FBH1: variants seen among roughly 807,000 people sequenced by gnomAD.
FBH1 encodes DNA 3'-5' helicase 1.
A neutral mutation model predicts 115.5 loss-of-function variants in FBH1; 43 were observed. That is an observed-to-expected ratio of 0.37 (90% CI 0.29 to 0.48). FBH1 has a LOEUF of 0.48. FBH1 is among the 20% of genes least tolerant of loss of function. FBH1 has a pLI of 0.99. For synonymous variants in FBH1, 524 were observed against 507.8 expected (o/e 1.03, Z -0.43); for missense variants, 1,001 against 1,337.3 (o/e 0.75, Z 3.92).
intron 1 of FBH1, chr10:5,891,107 A>G (rs1842693839): frequency 1.0e-6 from 1 of 981,814 alleles, no homozygotes; most frequent in South Asian, 4.7e-5. Flanking sequence ...ACTTTCTTAC[A>G]GAATTACAGG....
Position 5,918,955 on chromosome 10 carries a change from T to C in FBH1, c.2100+477T>C, listed in dbSNP as rs565300105. Among the ~76,000 whole-genome samples, 16 of 152,376 alleles carry C rather than the reference T, an allele frequency of 1.1e-4. No homozygotes were observed. The highest frequency in any genetic ancestry group is 2.6e-4 in the Admixed American group (4 of 15,306). On this transcript the variant is annotated intron_variant, in intron 13 of 20. Transcript: ENST00000362091. This position sits in a 1 kb window ranked among gnomAD's most constrained non-coding sequence, Gnocchi z 4.0. Reference sequence around the variant, plus strand: ...CCTTGATTATGCGAAAAGTTTATTATGCGCTCCTTCCTTTCCAATCACATG... The same window carrying C: ...CCTTGATTATGCGAAAAGTTTATTACGCGCTCCTTCCTTTCCAATCACATG...
chr10:5,934,451 C>A (rs933247908), intron 19 of FBH1: 2 of 147,484 alleles, frequency 1.4e-5, no homozygotes, highest in Non-Finnish European at 3.0e-5. Context: ...TTGCTCGGCT[C>A]ACCGCAACCT....
chr10:5,937,136 C>T lies in FBH1; in HGVS notation c.2988C>T (p.Gly996=). ...TYSNRKENKG[G]YLCHSCAEQR... is the part of the protein sequence containing the mutation. ...GCAACAGGAAGGAAAACAAGGGGGG[C>T]TACCTCTGCCACTCCTGTGCGGAGC... The change falls in exon 21 of 21, where the codon GGC becomes GGT. Residue 996 remains glycine, a synonymous_variant. Transcript: ENST00000362091. The T allele has an allele frequency of 6.2e-7, 1 of 1,610,032 alleles. No homozygotes were observed. The highest frequency in any genetic ancestry group is 8.5e-7 in the Non-Finnish European group (1 of 1,177,808).
chr10:5,899,240 G>C (rs1199033999), intron 1 of FBH1, among the ~76,000 whole-genome samples: 1 of 152,154 alleles, frequency 6.6e-6, no homozygotes, highest in Non-Finnish European at 1.5e-5. Context: ...GCCTGCAGCT[G>C]GCCTGAGGTC....
rs1183195428 is a variant in FBH1 at position 5,932,471 on chromosome 10, T to A, written c.2830-3985T>A. The stretch of plus-strand genomic sequence containing the variant: ...TCCTACCCAAATTAGGAAATCCCTC[T>A]TTATCAGCTCACAGAGCTCTCTCGC... On this transcript the variant is annotated intron_variant, in intron 19 of 20. Coordinates refer to ENST00000362091, the MANE Select transcript of FBH1 (RefSeq NM_178150.3). The surrounding 1 kb of genome is among the most constrained non-coding windows in gnomAD (Gnocchi z 5.9). 6.6e-6 allele frequency among the ~76,000 whole-genome samples: 1 copy of A among 152,154 alleles called. No individual in the cohort carries two copies. The highest frequency in any genetic ancestry group is 2.4e-5 in the African/African-American group (1 of 41,408).
chr10:5,900,210 G>A lies in FBH1; in HGVS notation c.2-2810G>A, dbSNP rs1231760694. 6.6e-6 allele frequency among the ~76,000 whole-genome samples: 1 copy of A among 152,242 alleles called. No individual in the cohort carries two copies. The highest frequency in any genetic ancestry group is 2.4e-5 in the African/African-American group (1 of 41,468). On this transcript the variant is annotated intron_variant, in intron 1 of 20. Coordinates refer to ENST00000362091, the MANE Select transcript of FBH1 (RefSeq NM_178150.3). The surrounding 1 kb of genome is among the most constrained non-coding windows in gnomAD (Gnocchi z 4.2). ...TGTCTTAGGCAGGCTACTCACATAA[G>A]CCTTGTTAAATAGAGGAAACAGGTA...
chr10:5,900,519 C>A lies in FBH1; in HGVS notation c.2-2501C>A, dbSNP rs11255794. Reference sequence around the variant, plus strand: ...CGCATCTGTGATTGCTGAGGCCTGGCGCTCATGGGGTTGCACCCAGCTTCT... The same window carrying A: ...CGCATCTGTGATTGCTGAGGCCTGGAGCTCATGGGGTTGCACCCAGCTTCT... On this transcript the variant is annotated intron_variant, in intron 1 of 20. Coordinates refer to ENST00000362091, the MANE Select transcript of FBH1 (RefSeq NM_178150.3). The surrounding 1 kb of genome is among the most constrained non-coding windows in gnomAD (Gnocchi z 4.2). 6.6e-6 allele frequency among the ~76,000 whole-genome samples: 1 copy of A among 152,210 alleles called. No individual in the cohort carries two copies. Among genetic ancestry groups the A allele is most frequent in the Non-Finnish European group, 1.5e-5 (1 of 68,042 alleles).
At chr10:5,898,876 C>T (rs747287661) in intron 1 of FBH1, among the ~76,000 whole-genome samples, 14 of 152,208 alleles carry the variant, frequency 9.2e-5, no homozygotes, top group Non-Finnish European at 1.8e-4. Context: ...TACCTTGGGG[C>T]ATGCTTACTG....
At position 5,909,186 on chromosome 10, in the gene FBH1, G is replaced by A. The variant is rs771144623; in HGVS notation, c.912G>A (p.Pro304=). ...ACACAGCCACCACTAAGTGCTCTCCGAGTGTGGATCCCGAGAGGGTGCTGT... is the reference window on the plus strand; with the variant it reads ...ACACAGCCACCACTAAGTGCTCTCCAAGTGTGGATCCCGAGAGGGTGCTGT... ...IRYTATTKCS[P]SVDPERVLWS... The change falls in exon 5 of 21, where the codon CCG becomes CCA. Residue 304 remains proline, a synonymous_variant. Transcript: ENST00000362091. The surrounding 1 kb of genome is among the most constrained non-coding windows in gnomAD (Gnocchi z 4.4). The A allele has an allele frequency of 2.5e-6, 4 of 1,613,748 alleles. No homozygotes were observed. Among genetic ancestry groups the A allele is most frequent in the South Asian group, 2.2e-5 (2 of 91,070 alleles).
intron 13 of FBH1, among the ~76,000 whole-genome samples, chr10:5,920,082 G>A (rs997971155): frequency 5.9e-5 from 9 of 152,202 alleles, no homozygotes; most frequent in Admixed American, 2.0e-4. Context: ...ATGTAACCAT[G>A]TGTCATGAGG....
rs1403092952 is a variant in FBH1, at chr10:5,936,543, C to G, written c.2917C>G (p.Pro973Ala). The G allele has an allele frequency of 6.2e-7, 1 of 1,614,036 alleles. No homozygotes were observed. The change falls in exon 20 of 21, where the codon CCT becomes GCT. Residue 973 changes from proline (P) to alanine (A), a missense_variant. Coordinates refer to ENST00000362091, the MANE Select transcript of FBH1 (RefSeq NM_178150.3). This position sits in a 1 kb window ranked among gnomAD's most constrained non-coding sequence, Gnocchi z 5.6. ...CGTGGGACAGTGCAACAATGCCATC[C>G]CTGTTGACACCGTCCTTACCATGAA... ...CCVGQCNNAI[P>A]VDTVLTMKKL... is the part of the protein sequence containing the mutation.
Position 5,906,659 on chromosome 10 carries a change from G to A in FBH1, c.753+27G>A, listed in dbSNP as rs1843712507. ...TGAGTGAGTGCTGGAGTCGGGAGAT[G>A]TTTCCTCTAAAAGCACGTAACTTTG... On this transcript the variant is annotated intron_variant, in intron 3 of 20. Transcript: ENST00000362091. This position sits in a 1 kb window ranked among gnomAD's most constrained non-coding sequence, Gnocchi z 7.3. 6.4e-7 allele frequency: 1 copy of A among 1,555,304 alleles called. No homozygotes were observed. The highest frequency in any genetic ancestry group is 1.8e-5 in the Admixed American group (1 of 57,038).
rs779337447 is a variant in FBH1 at position 5,917,572 on chromosome 10, C to T, written c.1877-18C>T. The stretch of plus-strand genomic sequence containing the variant: ...TGCCTTCCTGGCGTTACAACTCCTG[C>T]GTCTCTCCTTATTTTAGGCTACTTG... On this transcript the variant is annotated intron_variant, in intron 11 of 20. Transcript: ENST00000362091. This position sits in a 1 kb window ranked among gnomAD's most constrained non-coding sequence, Gnocchi z 5.6. 1.3e-5 allele frequency: 21 copies of T among 1,613,652 alleles called. No individual in the cohort carries two copies. The highest frequency in any genetic ancestry group is 3.3e-5 in the South Asian group (3 of 91,052).
At position 5,915,554 on chromosome 10, in the gene FBH1, C is replaced by T. The variant is rs763906919; in HGVS notation, c.1548C>T (p.Tyr516=). 32 of 1,614,070 alleles carry T rather than the reference C, an allele frequency of 2.0e-5. No homozygotes were observed. Among genetic ancestry groups the T allele is most frequent in the South Asian group, 9.9e-5 (9 of 91,084 alleles). ...VICKTFHSMA[Y]GHIGRKYQSK... ...GCAAAACCTTCCACTCCATGGCCTA[C>T]GGGCACATAGGGCGGAAGTGAGTAC... The change falls in exon 9 of 21, where the codon TAC becomes TAT. Residue 516 remains tyrosine (Y), a synonymous_variant. Coordinates refer to ENST00000362091, the MANE Select transcript of FBH1 (RefSeq NM_178150.3). The surrounding 1 kb of genome is among the most constrained non-coding windows in gnomAD (Gnocchi z 5.2).
Position 5,925,592 on chromosome 10 carries a change from C to T in FBH1, c.2722+100C>T, listed in dbSNP as rs1334116822. ...CTTGTTGTTTGTTGGATGGTGTGGCCTCCTGGTAGGGCACTTCTGGAAAAA... is the reference window on the plus strand; with the variant it reads ...CTTGTTGTTTGTTGGATGGTGTGGCTTCCTGGTAGGGCACTTCTGGAAAAA... On this transcript the variant is annotated intron_variant, in intron 18 of 20. Coordinates refer to ENST00000362091, the MANE Select transcript of FBH1 (RefSeq NM_178150.3). This position sits in a 1 kb window ranked among gnomAD's most constrained non-coding sequence, Gnocchi z 4.6. 2.7e-5 allele frequency: 41 copies of T among 1,520,066 alleles called. 1 individual carries two copies. The highest frequency in any genetic ancestry group is 3.6e-5 in the Non-Finnish European group (40 of 1,123,860). The allele number at this position is 1,520,066 out of a possible 1,614,324, so 94.2% of individuals were successfully genotyped here. A position where few individuals can be genotyped will look rare whatever the true frequency, so the allele number is the denominator to read the frequency against.
At position 5,913,296 on chromosome 10, in the gene FBH1, A is replaced by G. The variant is rs1361758666; in HGVS notation, c.1212-451A>G. ...TAGAATGTGTTCATGCGTCTAAAGCAATGTCATGTCATAAGAGGTAGACAG... is the reference window on the plus strand; with the variant it reads ...TAGAATGTGTTCATGCGTCTAAAGCGATGTCATGTCATAAGAGGTAGACAG... On this transcript the variant is annotated intron_variant, in intron 6 of 20. Transcript: ENST00000362091. This position sits in a 1 kb window ranked among gnomAD's most constrained non-coding sequence, Gnocchi z 4.4. Among the ~76,000 whole-genome samples the G allele has an allele frequency of 6.6e-6, 1 of 152,206 alleles. No homozygotes were observed. Among genetic ancestry groups the G allele is most frequent in the East Asian group, 1.9e-4 (1 of 5,202 alleles).
In FBH1 at chr10:5,895,121, G is replaced by A. The variant is rs770714076; in HGVS notation, c.1+4775G>A. The A allele has an allele frequency of 4.6e-5, 75 of 1,613,822 alleles. No homozygotes were observed. Among genetic ancestry groups the A allele is most frequent in the Admixed American group, 2.7e-4 (16 of 59,974 alleles). ...TGGGCTACATTGCGCAGGGCCCCTGGGCCATCTCCACAGGAGATGCCAGAG... is the reference window on the plus strand; with the variant it reads ...TGGGCTACATTGCGCAGGGCCCCTGAGCCATCTCCACAGGAGATGCCAGAG... On this transcript the variant is annotated intron_variant, in intron 1 of 20. Coordinates refer to ENST00000362091, the MANE Select transcript of FBH1 (RefSeq NM_178150.3). The surrounding 1 kb of genome is among the most constrained non-coding windows in gnomAD (Gnocchi z 5.0).
At chr10:5,908,330 G>A (rs569778771) in intron 3 of FBH1, among the ~76,000 whole-genome samples, 1 of 152,276 alleles carries the variant, frequency 6.6e-6, no homozygotes, top group African/African-American at 2.4e-5. Context: ...TATTAGTATA[G>A]CCACAGCTCT....
rs1350627753 is a variant in FBH1 at position 5,910,270 on chromosome 10, A to C, written c.1021-668A>C. ...GCACTCCAGCCTGTGTGACAGAGTC[A>C]GACTTTGTCTCAAAAAAAAAAAAAG... On this transcript the variant is annotated intron_variant, in intron 5 of 20. Coordinates refer to ENST00000362091, the MANE Select transcript of FBH1 (RefSeq NM_178150.3). The surrounding 1 kb of genome is among the most constrained non-coding windows in gnomAD (Gnocchi z 4.8). Among the ~76,000 whole-genome samples, 2 of 151,896 alleles carry C rather than the reference A, an allele frequency of 1.3e-5. No homozygotes were observed. The highest frequency in any genetic ancestry group is 2.9e-5 in the Non-Finnish European group (2 of 67,992).
Sources: allele counts gnomAD v4.1 joint callset (sites outside exome capture counted in the v4.1 genomes callset), GRCh38; gene constraint gnomAD v4.1.1; non-coding constraint Gnocchi (gnomAD v3.1); transcripts MANE v1.5; gene names NCBI Gene and HGNC (gene_info 2026-07-23, HGNC 2026-07-21).